Variants in ARID1B observed in about 807,000 individuals in gnomAD.
ARID1B encodes AT-rich interactive domain-containing protein 1B.
Under a neutral mutation model 212.3 loss-of-function variants are expected in ARID1B, and 30 were observed. That is an observed-to-expected ratio of 0.14 (90% CI 0.11 to 0.19). ARID1B has a LOEUF of 0.19. Ranked by LOEUF, ARID1B falls within the 10% of genes least tolerant of loss-of-function variation. The pLI is 1.00. For synonymous variants in ARID1B, 1,402 were observed against 1,301.7 expected (o/e 1.08, Z -1.66); for missense variants, 2,891 against 3,204.0 (o/e 0.90, Z 2.36).
chr6:156,822,393 A>C (rs1161678196), intron 1 of ARID1B, among the ~76,000 whole-genome samples: 1 of 152,240 alleles, frequency 6.6e-6, no homozygotes, highest in Non-Finnish European at 1.5e-5. Context: ...GTATAGACAC[A>C]CCAGACCAGA....
At chr6:157,049,949 A>C (rs1782484377) in intron 4 of ARID1B, among the ~76,000 whole-genome samples, 1 of 152,166 alleles carries the variant, frequency 6.6e-6, no homozygotes, top group Non-Finnish European at 1.5e-5. Context: ...TCATATCATC[A>C]TGATTTTAAA....
intron 1 of ARID1B, among the ~76,000 whole-genome samples, chr6:156,813,082 G>T (rs562883305): frequency 7.7e-6 from 1 of 129,836 alleles, no homozygotes; most frequent in Non-Finnish European, 1.6e-5. Flanking sequence ...ACACACATAC[G>T]TATGTATATA....
chr6:156,795,279 C>T (rs111859578), intron 1 of ARID1B, among the ~76,000 whole-genome samples: 9 of 152,088 alleles, frequency 5.9e-5, no homozygotes, highest in South Asian at 2.1e-4. Context: ...GTCTCAGATT[C>T]GCTGGGGTTT....
At chr6:157,080,600 C>G (rs9478748) in intron 4 of ARID1B, among the ~76,000 whole-genome samples, 1 of 152,218 alleles carries the variant, frequency 6.6e-6, no homozygotes, top group South Asian at 2.1e-4. Context: ...CTGAGCCTGC[C>G]CCAACATAGA....
chr6:157,102,039 G>A (rs1786079744), intron 5 of ARID1B, among the ~76,000 whole-genome samples: 1 of 152,176 alleles, frequency 6.6e-6, no homozygotes, highest in Non-Finnish European at 1.5e-5. Context: ...TAATACTGGA[G>A]ATAATGCAGT....
intron 4 of ARID1B, among the ~76,000 whole-genome samples, chr6:156,958,424 C>A (rs538879764): frequency 5.6e-4 from 86 of 152,260 alleles, no homozygotes; most frequent in Non-Finnish European, 9.7e-4. Flanking sequence ...AGTCTATAAA[C>A]CTAATTCGTT....
Position 157,203,638 on chromosome 6 carries a change from C to G in ARID1B, c.5264-228C>G. On this transcript the variant is annotated intron_variant, in intron 18 of 19. Coordinates refer to ENST00000636930, the MANE Select transcript of ARID1B (RefSeq NM_001374828.1). This position sits in a 1 kb window ranked among gnomAD's most constrained non-coding sequence, Gnocchi z 4.4. Reference sequence around the variant, plus strand: ...CTCCACCTCCAGAAGCACTTTCGGCCCCTGCGTGACCAACAAAGCGAGATC... The same window carrying G: ...CTCCACCTCCAGAAGCACTTTCGGCGCCTGCGTGACCAACAAAGCGAGATC... 3.7e-6 allele frequency: 2 copies of G among 540,794 alleles called. No homozygotes were observed. The highest frequency in any genetic ancestry group is 4.2e-5 in the South Asian group (2 of 48,116). 33.5% of individuals were successfully genotyped at this position (540,794 alleles called of 1,614,324 possible).
Position 157,130,659 on chromosome 6 carries a change from C to G in ARID1B, c.2582-2369C>G, listed in dbSNP as rs563877411. 1.2e-4 allele frequency among the ~76,000 whole-genome samples: 19 copies of G among 152,274 alleles called. No homozygotes were observed. In the South Asian group the frequency reaches 3.7e-3, roughly 30 times the overall value. On this transcript the variant is annotated intron_variant, in intron 6 of 19. Coordinates refer to ENST00000636930, the MANE Select transcript of ARID1B (RefSeq NM_001374828.1). ...CTCTTTAAACAGAAGCAATGTTAGA[C>G]TATATCTCTTTTTTTAATTGAAATG...
At chr6:157,128,106 G>C (rs1174567972) in intron 6 of ARID1B, among the ~76,000 whole-genome samples, 2 of 152,150 alleles carry the variant, frequency 1.3e-5, no homozygotes, top group Non-Finnish European at 2.9e-5. Context: ...ACTGCTAATA[G>C]ACATGCATCG....
intron 2 of ARID1B, chr6:156,871,470 C>T: frequency 1.5e-6 from 1 of 682,970 alleles, no homozygotes; most frequent in Non-Finnish European, 2.6e-6. Context: ...GTGGAGAAGG[C>T]CTGATACAGA....
At chr6:157,115,135 T>A (rs1324863935) in intron 6 of ARID1B, among the ~76,000 whole-genome samples, 1 of 152,204 alleles carries the variant, frequency 6.6e-6, no homozygotes, top group East Asian at 1.9e-4. Context: ...GTGCCCATTT[T>A]ATCTGGTGGT....
intron 2 of ARID1B, chr6:156,870,006 T>C (rs1353416363): frequency 9.3e-5 from 8 of 85,770 alleles, no homozygotes; most frequent in African/African-American, 3.2e-4. Context: ...GAGCAGTGGC[T>C]GGGGCAGGGT....
intron 2 of ARID1B, among the ~76,000 whole-genome samples, chr6:156,845,994 T>C (rs1204454416): frequency 6.6e-6 from 1 of 152,118 alleles, no homozygotes. Flanking sequence ...CAAATTTTTC[T>C]TTTTTATACC....
chr6:156,802,542 G>T (rs1364279434), intron 1 of ARID1B, among the ~76,000 whole-genome samples: 5 of 152,096 alleles, frequency 3.3e-5, no homozygotes, highest in African/African-American at 1.2e-4. Context: ...TAATAAGGAG[G>T]ACTTCAAATT....
At chr6:156,855,604 C>T (rs1484220443) in intron 2 of ARID1B, among the ~76,000 whole-genome samples, 1 of 152,166 alleles carries the variant, frequency 6.6e-6, no homozygotes, top group Admixed American at 6.5e-5. Flanking sequence ...GAAATACTAA[C>T]AAGCTAAACA....
chr6:156,896,600 A>AAAAAAAAAAG (rs1491291654), intron 2 of ARID1B, among the ~76,000 whole-genome samples: 2 of 146,324 alleles, frequency 1.4e-5, no homozygotes, highest in African/African-American at 5.2e-5. Flanking sequence ...AAAAAAAAAA[A>AAAAAAAAAAG]GAGGACACAG....
In ARID1B at chr6:157,154,966, G is replaced by A. The variant is rs184850782; in HGVS notation, c.3089+6015G>A. On this transcript the variant is annotated intron_variant, in intron 8 of 19. Coordinates refer to ENST00000636930, the MANE Select transcript of ARID1B (RefSeq NM_001374828.1). ...TCATTTTTGTTCTCCATCATATCTAGTGGCAATCCTGCTCCTAGAAACCAA... is the reference window on the plus strand; with the variant it reads ...TCATTTTTGTTCTCCATCATATCTAATGGCAATCCTGCTCCTAGAAACCAA... Among the ~76,000 whole-genome samples the A allele has an allele frequency of 2.6e-5, 4 of 152,170 alleles. No homozygotes were observed. The East Asian group carries it at 7.7e-4, about 29-fold the overall frequency.
At chr6:157,100,175 CTCTAA>C (rs1364453695) in intron 5 of ARID1B, among the ~76,000 whole-genome samples, 4 of 152,182 alleles carry the variant, frequency 2.6e-5, no homozygotes, top group Non-Finnish European at 5.9e-5. Flanking sequence ...GTTTATACTG[CTCTAA>C]TCTGAGATAG....
At chr6:156,998,224 T>A (rs1220434090) in intron 4 of ARID1B, among the ~76,000 whole-genome samples, 1 of 151,634 alleles carries the variant, frequency 6.6e-6, no homozygotes, top group Non-Finnish European at 1.5e-5. Context: ...TTTTTTTTTT[T>A]TTTTGGTGGG....
Sources: allele counts gnomAD v4.1 joint callset (sites outside exome capture counted in the v4.1 genomes callset), GRCh38; gene constraint gnomAD v4.1.1; non-coding constraint Gnocchi (gnomAD v3.1); transcripts MANE v1.5; gene names NCBI Gene and HGNC (gene_info 2026-07-23, HGNC 2026-07-21).